Variants in LARS2 observed in about 807,000 individuals in gnomAD.
LARS2 encodes leucine--tRNA ligase, mitochondrial.
LARS2 carries 81 observed loss-of-function variants against 116.6 expected under a neutral mutation model. That is an observed-to-expected ratio of 0.69 (90% CI 0.58 to 0.84). The LOEUF (loss-of-function observed/expected upper bound fraction) is 0.84, where lower values mean the gene tolerates loss of function less well. Ranked by LOEUF, LARS2 falls within the 40% of genes least tolerant of loss-of-function variation. The pLI is 0.00. For missense variants in LARS2, 968 were observed against 1,114.5 expected, an observed-to-expected ratio of 0.87 and a Z score of 1.87; for synonymous variants, 396 against 407.2, an observed-to-expected ratio of 0.97 and a Z score of 0.33.
At chr3:45,545,312 G>A (rs1361136843) in intron 21 of LARS2, among the ~76,000 whole-genome samples, 1 of 152,224 alleles carries the variant, frequency 6.6e-6, no homozygotes, top group Non-Finnish European at 1.5e-5. Flanking sequence ...CCTGTGGCCT[G>A]GGCCCTGTCC....
chr3:45,419,481 T>C (rs893188022), intron 5 of LARS2, among the ~76,000 whole-genome samples, 188 bp from the exon 6 acceptor site: 1 of 152,180 alleles, frequency 6.6e-6, no homozygotes, highest in African/African-American at 2.4e-5. Context: ...AAATAATGGG[T>C]GTCTTCTAAT....
chr3:45,509,879 C>A (rs1700260662), intron 15 of LARS2, among the ~76,000 whole-genome samples: 1 of 151,932 alleles, frequency 6.6e-6, no homozygotes, highest in South Asian at 2.1e-4. Context: ...TGCTTGGGAT[C>A]TTTCAATGCA....
At chr3:45,440,192 A>T (rs1392212346) in intron 6 of LARS2, among the ~76,000 whole-genome samples, 1 of 152,076 alleles carries the variant, frequency 6.6e-6, no homozygotes, top group Non-Finnish European at 1.5e-5. Context: ...TGTAGCCTGG[A>T]TTGTTATTTT....
rs997824962 is a variant in LARS2, at chr3:45,415,220, G to C, written c.364-2262G>C. 6.5e-4 allele frequency among the ~76,000 whole-genome samples: 99 copies of C among 152,214 alleles called. 1 individual carries two copies. Among genetic ancestry groups the C allele is most frequent in the Non-Finnish European group, 1.5e-4 (10 of 68,038 alleles). ...GAACAGTCAAATAAGGGGTTGGGGG[G>C]TAGAGGATATATCTCAAAACCTTCT... On this transcript the variant is annotated intron_variant, in intron 4 of 21. Transcript: ENST00000645846.
intron 12 of LARS2, among the ~76,000 whole-genome samples, chr3:45,491,154 G>A (rs1310029900): frequency 6.6e-6 from 1 of 152,152 alleles, no homozygotes; most frequent in African/African-American, 2.4e-5. Flanking sequence ...CACAGAACCA[G>A]GGCCAACTTA....
Position 45,516,210 on chromosome 3 carries a change from G to C in LARS2, c.1978G>C (p.Asp660His). 6.2e-7 allele frequency: 1 copy of C among 1,614,188 alleles called. No individual in the cohort carries two copies. Residue 660 changes from aspartate (D) to histidine (H), a missense_variant, in exon 17 of 22, where the codon GAC becomes CAC. Asp to His is a moderately conservative substitution (Grantham distance 81, BLOSUM62 -1). Transcript: ENST00000645846. ...PEEVVEQYGI[D>H]TIRLYILFAA... ...GGAAGTTGTGGAGCAGTATGGGATC[G>C]ACACGATTCGGCTCTACATCCTTTT...
rs780269224 is a variant in LARS2, at chr3:45,485,747, C to T, written c.1074C>T (p.Val358=). Residue 358 remains valine (V), a synonymous_variant, in exon 11 of 22, where the codon GTC becomes GTT. Coordinates refer to ENST00000645846, the MANE Select transcript of LARS2 (RefSeq NM_015340.4). ...VNMLTQQEVP[V]VILAKADLEG... Reference sequence around the variant, plus strand: ...TGCTTACCCAGCAGGAGGTCCCTGTCGTTATTTTGGCCAAAGCTGACTTGG... The same window carrying T: ...TGCTTACCCAGCAGGAGGTCCCTGTTGTTATTTTGGCCAAAGCTGACTTGG... The T allele has an allele frequency of 3.7e-6, 6 of 1,611,914 alleles. No individual in the cohort carries two copies. The highest frequency in any genetic ancestry group is 1.3e-5 in the African/African-American group (1 of 74,976).
At chr3:45,524,767 G>A (rs1276453786) in intron 20 of LARS2, among the ~76,000 whole-genome samples, 3 of 152,140 alleles carry the variant, frequency 2.0e-5, no homozygotes, top group South Asian at 4.2e-4. Flanking sequence ...TGGCAGTTTC[G>A]TTGACGTAAA....
At chr3:45,503,635 G>A (rs374945481) in intron 15 of LARS2, among the ~76,000 whole-genome samples, 14 of 151,542 alleles carry the variant, frequency 9.2e-5, no homozygotes, top group South Asian at 4.2e-4. Context: ...AGGCTCTCTT[G>A]TCTGCTGTAT....
chr3:45,532,587 T>C (rs1700632018), intron 20 of LARS2, among the ~76,000 whole-genome samples: 1 of 152,198 alleles, frequency 6.6e-6, no homozygotes, highest in African/African-American at 2.4e-5. Context: ...ATATGCATTG[T>C]TAGGTTAGTG....
chr3:45,458,097 A>C (rs1292163965), intron 7 of LARS2, among the ~76,000 whole-genome samples: 1 of 152,194 alleles, frequency 6.6e-6, no homozygotes, highest in Non-Finnish European at 1.5e-5. Context: ...TTATTTCCCT[A>C]AAATAATCCT....
intron 8 of LARS2, among the ~76,000 whole-genome samples, chr3:45,470,707 T>C (rs575025662): frequency 3.9e-5 from 6 of 152,174 alleles, no homozygotes; most frequent in Non-Finnish European, 7.3e-5. Context: ...TTTTTAAAAT[T>C]TATTAAATGA....
At chr3:45,428,185 A>G (rs1447775799) in intron 6 of LARS2, among the ~76,000 whole-genome samples, 2 of 147,738 alleles carry the variant, frequency 1.4e-5, no homozygotes, top group Admixed American at 6.7e-5. Context: ...TTCTTTTTCT[A>G]GGATTTTTAA....
At chr3:45,507,264 C>A (rs190342992) in intron 15 of LARS2, among the ~76,000 whole-genome samples, 49 of 151,874 alleles carry the variant, frequency 3.2e-4, no homozygotes, top group African/African-American at 1.2e-3. Context: ...CCCTCACTGG[C>A]AAATATAAAT....
At chr3:45,478,130 G>C (rs1699644653) in intron 10 of LARS2, among the ~76,000 whole-genome samples, 1 of 152,122 alleles carries the variant, frequency 6.6e-6, no homozygotes, top group South Asian at 2.1e-4. Flanking sequence ...AGTCTTTTGA[G>C]TTAAAATTTC....
At position 45,503,667 on chromosome 3, in the gene LARS2, A is replaced by AT. The variant is rs1279012343; in HGVS notation, c.1760+3098dup. 8.6e-4 allele frequency among the ~76,000 whole-genome samples: 126 copies of AT among 146,172 alleles called. 1 individual carries two copies. The highest frequency in any genetic ancestry group is 2.5e-3 in the African/African-American group (99 of 39,750). On this transcript the variant is annotated intron_variant, in intron 15 of 21. Coordinates refer to ENST00000645846, the MANE Select transcript of LARS2 (RefSeq NM_015340.4). ...GTATTACCAGAAGCATAATTGCTGGATTTTTTTTTTCAGTTGTTGTTATGT... is the reference window on the plus strand; with the variant it reads ...GTATTACCAGAAGCATAATTGCTGGATTTTTTTTTTTCAGTTGTTGTTATGT...
rs1699611878 is a variant in LARS2, at chr3:45,476,510, GCCAC to G, written c.904_907del (p.Thr302LeufsTer25). 6.2e-7 allele frequency: 1 copy of G among 1,614,066 alleles called. No homozygotes were observed. The highest frequency in any genetic ancestry group is 1.7e-5 in the Admixed American group (1 of 60,002). ...GGGCGAAAAGCTGACTGCCTATACGGCCACCCCTGAAGCCATTTATGGCACCTCC... is the reference window on the plus strand; with the variant it reads ...GGGCGAAAAGCTGACTGCCTATACGGCCCTGAAGCCATTTATGGCACCTCC... On this transcript the variant is annotated frameshift_variant, in exon 10 of 22. Transcript: ENST00000645846. LOFTEE classifies it high-confidence loss of function.
intron 6 of LARS2, among the ~76,000 whole-genome samples, chr3:45,428,217 C>CA (rs1698628810): frequency 7.4e-6 from 1 of 135,154 alleles, no homozygotes; most frequent in African/African-American, 2.7e-5. Context: ...GTTCACATAA[C>CA]AAAAATGTAC....
chr3:45,435,547 T>G (rs1316658717), intron 6 of LARS2, among the ~76,000 whole-genome samples: 3 of 152,214 alleles, frequency 2.0e-5, no homozygotes, highest in Admixed American at 1.3e-4. Flanking sequence ...TTTATCTAGA[T>G]AGAGGAGTTC....
Sources: gnomAD v4.1 joint callset for allele counts (sites outside exome capture counted in the v4.1 genomes callset) on GRCh38, gnomAD v4.1.1 for gene constraint, MANE v1.5 for transcripts, NCBI Gene and HGNC (gene_info 2026-07-23, HGNC 2026-07-21) for gene names.